The following NALCN variants were observed in gnomAD, a reference collection of about 807,000 sequenced individuals.
The protein encoded by NALCN is sodium leak channel NALCN.
A neutral mutation model predicts 225.3 loss-of-function variants in NALCN; 111 were observed. The observed-to-expected ratio is 0.49, with a 90% confidence interval of 0.42 to 0.58. The LOEUF (loss-of-function observed/expected upper bound fraction) is 0.58. Among genes scored for constraint, NALCN ranks in the 20% least tolerant of loss-of-function variants. NALCN has a pLI of 0.00. For missense variants in NALCN, 1,378 were observed against 2,202.4 expected (o/e 0.63, Z 7.49); for synonymous variants, 764 against 769.0 (o/e 0.99, Z 0.11).
chr13:101,095,476 G>A, intron 28 of NALCN, 98 bp downstream of exon 28: 3 of 928,784 alleles, frequency 3.2e-6, no homozygotes, highest in Non-Finnish European at 4.9e-6. Flanking sequence ...AACATCTCTA[G>A]CAAAACTACT....
chr13:101,361,638 C>G (rs914553257), intron 6 of NALCN, among the ~76,000 whole-genome samples: 6 of 152,140 alleles, frequency 3.9e-5, no homozygotes, highest in African/African-American at 7.2e-5. Flanking sequence ...CTTTATTTAA[C>G]TTTACTCAGC....
chr13:101,295,069 C>T (rs148291407), intron 7 of NALCN, among the ~76,000 whole-genome samples: 15 of 152,130 alleles, frequency 9.9e-5, no homozygotes, highest in Admixed American at 4.6e-4. Flanking sequence ...TATGAACAGG[C>T]GCCCCCTCAT....
At chr13:101,170,893 C>A (rs1007712050) in intron 15 of NALCN, among the ~76,000 whole-genome samples, 1 of 152,108 alleles carries the variant, frequency 6.6e-6, no homozygotes. Context: ...AATTTTATAC[C>A]ACTTAAAAGA....
intron 13 of NALCN, among the ~76,000 whole-genome samples, chr13:101,216,597 T>C (rs1405188911): frequency 6.6e-6 from 1 of 152,146 alleles, no homozygotes; most frequent in Non-Finnish European, 1.5e-5. Context: ...ATTTCAGCAA[T>C]ATTAATTGAA....
At chr13:101,391,672 G>T (rs2047148580) in intron 3 of NALCN, among the ~76,000 whole-genome samples, 1 of 146,470 alleles carries the variant, frequency 6.8e-6, no homozygotes, top group African/African-American at 2.5e-5. Context: ...AACAGAGCAA[G>T]ATCTTGTCTC....
chr13:101,099,094 A>G (rs1370349413), intron 27 of NALCN, among the ~76,000 whole-genome samples: 1 of 142,616 alleles, frequency 7.0e-6, no homozygotes, highest in Non-Finnish European at 1.5e-5. Context: ...GTCATCCAAG[A>G]TTCCTAGCAG....
At chr13:101,096,497 T>C (rs1004444673) in intron 27 of NALCN, among the ~76,000 whole-genome samples, 3 of 152,208 alleles carry the variant, frequency 2.0e-5, no homozygotes, top group African/African-American at 7.2e-5. Flanking sequence ...ATTTTATTCA[T>C]ATAGAAGTCC....
At position 101,251,790 on chromosome 13, in the gene NALCN, G is replaced by A. The variant is rs1333763; in HGVS notation, c.1266+6653C>T. On this transcript the variant is annotated intron_variant, in intron 11 of 43. Coordinates refer to ENST00000251127, the MANE Select transcript of NALCN (RefSeq NM_052867.4). ...TGTAAAATTAATTTAGTCTCAGCAC[G>A]TTTTGCTTCATCAATAATCTGTTTT... Among the ~76,000 whole-genome samples the A allele has an allele frequency of 3.6e-3, 541 of 152,220 alleles. 2 individuals are homozygous for A. Among genetic ancestry groups the A allele is most frequent in the African/African-American group, 0.013 (525 of 41,542 alleles).
intron 17 of NALCN, among the ~76,000 whole-genome samples, chr13:101,134,286 T>G (rs2036659541): frequency 6.6e-6 from 1 of 152,226 alleles, no homozygotes; most frequent in African/African-American, 2.4e-5. Flanking sequence ...TAAACATGCA[T>G]GTGCACGTGT....
At chr13:101,206,288 C>G (rs903112896) in intron 13 of NALCN, among the ~76,000 whole-genome samples, 4 of 152,054 alleles carry the variant, frequency 2.6e-5, no homozygotes, top group Non-Finnish European at 4.4e-5. Flanking sequence ...CTTCACTAAG[C>G]TCACAAATAA....
chr13:101,296,060 G>T (rs1433874111), intron 7 of NALCN, among the ~76,000 whole-genome samples: 1 of 152,098 alleles, frequency 6.6e-6, no homozygotes, highest in East Asian at 1.9e-4. Context: ...ACAGACTCCT[G>T]GGCTGCCCAG....
intron 37 of NALCN, among the ~76,000 whole-genome samples, chr13:101,072,396 T>A (rs755922557): frequency 2.6e-5 from 4 of 152,240 alleles, no homozygotes; most frequent in Non-Finnish European, 4.4e-5. Context: ...TGTTATGGGA[T>A]GCTATGGAAT....
intron 37 of NALCN, among the ~76,000 whole-genome samples, chr13:101,069,680 G>A (rs555196759): frequency 1.3e-5 from 2 of 152,294 alleles, no homozygotes; most frequent in African/African-American, 4.8e-5. Context: ...AACTTCTTTC[G>A]AATTTGGAGT....
rs58855374 is a variant in NALCN at position 101,342,539 on chromosome 13, G to A, written c.799+2727C>T. ...CTCTGATTCCCTGACTCAAATATGA[G>A]ACAGTTGTGTTCCTCCAGGAACATG... is the stretch of plus-strand genomic sequence containing the variant. On this transcript the variant is annotated intron_variant, in intron 7 of 43. Coordinates refer to ENST00000251127, the MANE Select transcript of NALCN (RefSeq NM_052867.4). 7.3e-3 allele frequency among the ~76,000 whole-genome samples: 1,118 copies of A among 152,206 alleles called. 14 individuals are homozygous for A. The highest frequency in any genetic ancestry group is 0.026 in the African/African-American group (1,060 of 41,522).
At chr13:101,332,397 C>CAAAAAAAAAA (rs753158247) in intron 7 of NALCN, among the ~76,000 whole-genome samples, 45 of 57,754 alleles carry the variant, frequency 7.8e-4, no homozygotes, top group Non-Finnish European at 9.6e-4. Context: ...TTCACAAAGC[C>CAAAAAAAAAA]AAAAAAAAAA....
intron 7 of NALCN, among the ~76,000 whole-genome samples, chr13:101,308,582 C>T (rs2044232638): frequency 6.6e-6 from 1 of 152,196 alleles, no homozygotes; most frequent in Non-Finnish European, 1.5e-5. Flanking sequence ...TGAGTTCTCT[C>T]TTTAAAGCTT....
chr13:101,127,226 G>A (rs1410115633), intron 17 of NALCN, among the ~76,000 whole-genome samples: 1 of 152,174 alleles, frequency 6.6e-6, no homozygotes, highest in Non-Finnish European at 1.5e-5. Flanking sequence ...TCCTGAATTT[G>A]AACTAAGACA....
chr13:101,369,099 T>C, intron 6 of NALCN: 1 of 263,966 alleles, frequency 3.8e-6, no homozygotes, highest in South Asian at 3.2e-5. Flanking sequence ...ATTACTACCA[T>C]GTGGCTAGTT....
At chr13:101,366,559 A>AC (rs2046381307) in intron 6 of NALCN, among the ~76,000 whole-genome samples, 1 of 152,164 alleles carries the variant, frequency 6.6e-6, no homozygotes. Context: ...GTAGCTGGTA[A>AC]CACTGATTGC....
Sources: allele counts gnomAD v4.1 joint callset (sites outside exome capture counted in the v4.1 genomes callset), GRCh38; gene constraint gnomAD v4.1.1; transcripts MANE v1.5; gene names NCBI Gene and HGNC (gene_info 2026-07-23, HGNC 2026-07-21).